Variants in BAZ2B observed in about 807,000 individuals in gnomAD.
BAZ2B encodes bromodomain adjacent to zinc finger domain protein 2B.
Under a neutral mutation model 246.0 loss-of-function variants are expected in BAZ2B, and 91 were observed. That is an observed-to-expected ratio of 0.37 (90% CI 0.31 to 0.44). BAZ2B has a LOEUF of 0.44. Among genes scored for constraint, BAZ2B ranks in the 20% least tolerant of loss-of-function variants. The pLI is 1.00. For missense variants in BAZ2B, 2,332 were observed against 2,533.7 expected, an observed-to-expected ratio of 0.92 and a Z score of 1.71; for synonymous variants, 855 against 860.0, an observed-to-expected ratio of 0.99 and a Z score of 0.10.
intron 16 of BAZ2B, among the ~76,000 whole-genome samples, chr2:159,400,974 G>A (rs1464405743): frequency 6.6e-6 from 1 of 152,250 alleles, no homozygotes; most frequent in East Asian, 1.9e-4. Context: ...AACCCAGGAG[G>A]TGGAGCTTGC....
At chr2:159,503,507 T>C (rs1204730956) in intron 2 of BAZ2B, among the ~76,000 whole-genome samples, 1 of 152,184 alleles carries the variant, frequency 6.6e-6, no homozygotes, top group African/African-American at 2.4e-5. Flanking sequence ...TCTTGTGTAT[T>C]CCCTAATTAA....
intron 1 of BAZ2B, among the ~76,000 whole-genome samples, chr2:159,576,805 T>C (rs780968059): frequency 4.2e-5 from 6 of 143,634 alleles, no homozygotes; most frequent in Admixed American, 1.4e-4. Context: ...CCCAGCTACT[T>C]GGGAGGCTGA....
chr2:159,649,432 G>C, the BAZ2B span, among the ~76,000 whole-genome samples: 2 of 152,120 alleles, frequency 1.3e-5, no homozygotes, highest in Non-Finnish European at 2.9e-5. Context: ...GATCTGACAG[G>C]AGGTGGAGCT....
At chr2:159,517,252 A>T (rs2151227106) in intron 2 of BAZ2B, among the ~76,000 whole-genome samples, 1 of 152,190 alleles carries the variant, frequency 6.6e-6, no homozygotes, top group Non-Finnish European at 1.5e-5. Context: ...TTAACCTGTG[A>T]GCATTTTTTA....
chr2:159,396,242 T>C (rs2063994956), intron 19 of BAZ2B: 1 of 153,498 alleles, frequency 6.5e-6, no homozygotes, highest in Non-Finnish European at 1.5e-5. Context: ...GTTGTGTTGT[T>C]CTTAAAATTT....
At chr2:159,683,856 A>G in the BAZ2B span, among the ~76,000 whole-genome samples, 3 of 152,138 alleles carry the variant, frequency 2.0e-5, no homozygotes, top group East Asian at 5.8e-4. Context: ...CAACTGCCCC[A>G]TCTCAAGATT....
intron 19 of BAZ2B, among the ~76,000 whole-genome samples, chr2:159,396,891 G>C (rs756429887): frequency 6.6e-5 from 10 of 152,058 alleles, no homozygotes; most frequent in Non-Finnish European, 1.2e-4. Context: ...TAAAATCTTG[G>C]AGATGCATCA....
At chr2:159,633,632 T>C in the BAZ2B span, among the ~76,000 whole-genome samples, 1 of 152,114 alleles carries the variant, frequency 6.6e-6, no homozygotes, top group Non-Finnish European at 1.5e-5. Flanking sequence ...TTTTATCTCA[T>C]ATCTGATTTT....
chr2:159,446,750 G>C, intron 6 of BAZ2B, 32 bp downstream of exon 6: 3 of 1,543,644 alleles, frequency 1.9e-6, no homozygotes, highest in South Asian at 1.3e-5. Flanking sequence ...ATATAGATCT[G>C]TTATATATTA....
chr2:159,491,914 C>G (rs1420403595), intron 2 of BAZ2B, among the ~76,000 whole-genome samples: 2 of 151,860 alleles, frequency 1.3e-5, no homozygotes, highest in Non-Finnish European at 2.9e-5. Flanking sequence ...TATTACCATC[C>G]TAATTCTTCT....
rs562896502 is a variant in BAZ2B at position 159,564,352 on chromosome 2, T to C, written c.-45-8487A>G. On this transcript the variant is annotated intron_variant, in intron 1 of 36. Coordinates refer to ENST00000392783, the MANE Select transcript of BAZ2B (RefSeq NM_013450.4). The stretch of plus-strand genomic sequence containing the variant: ...TAAATACTCTAGATGTTATTCTACA[T>C]GTGCTGAAAGCCATATGGGATGTTA... Among the ~76,000 whole-genome samples the C allele has an allele frequency of 1.6e-3, 239 of 152,266 alleles. 2 individuals are homozygous for C. Among genetic ancestry groups the C allele is most frequent in the Admixed American group, 2.0e-3 (30 of 15,292 alleles).
At chr2:159,371,395 T>G (rs1013603529) in intron 27 of BAZ2B, among the ~76,000 whole-genome samples, 1 of 152,114 alleles carries the variant, frequency 6.6e-6, no homozygotes, top group Non-Finnish European at 1.5e-5. Context: ...CTGTCTGCCT[T>G]GGCCTCCCAA....
Position 159,570,460 on chromosome 2 carries a change from C to T in BAZ2B, c.-45-14595G>A, listed in dbSNP as rs186393280. ...CCTCCCAAAGTGCTGGGATTACAGG[C>T]GTAAGCCACTGCGCCCGGCCTCCTT... On this transcript the variant is annotated intron_variant, in intron 1 of 36. Coordinates refer to ENST00000392783, the MANE Select transcript of BAZ2B (RefSeq NM_013450.4). Among the ~76,000 whole-genome samples the T allele has an allele frequency of 6.5e-3, 988 of 152,246 alleles. 4 individuals are homozygous for T. The highest frequency in any genetic ancestry group is 0.02 in the Middle Eastern group (6 of 294).
At chr2:159,698,840 T>C in the BAZ2B span, among the ~76,000 whole-genome samples, 1 of 152,184 alleles carries the variant, frequency 6.6e-6, no homozygotes, top group Admixed American at 6.6e-5. Context: ...TAAATATTTC[T>C]TACATAATTG....
At chr2:159,574,174 G>A (rs1246703874) in intron 1 of BAZ2B, among the ~76,000 whole-genome samples, 2 of 143,836 alleles carry the variant, frequency 1.4e-5, no homozygotes, top group Non-Finnish European at 3.1e-5. Flanking sequence ...CACACACACA[G>A]CACAATTTTA....
chr2:159,653,287 A>C, the BAZ2B span, among the ~76,000 whole-genome samples: 1 of 152,198 alleles, frequency 6.6e-6, no homozygotes, highest in Non-Finnish European at 1.5e-5. Context: ...TTTATTAAAA[A>C]TTCTGTAAGA....
intron 2 of BAZ2B, among the ~76,000 whole-genome samples, chr2:159,479,631 C>T (rs1391314360): frequency 1.3e-5 from 2 of 152,086 alleles, no homozygotes; most frequent in Admixed American, 1.3e-4. Context: ...CTACAGGCAA[C>T]TCACAGAAGA....
chr2:159,693,558 C>G, the BAZ2B span: 69,309 of 151,344 alleles, frequency 0.46, 16,705 homozygotes, highest in Middle Eastern at 0.64. Context: ...CAAGTAGCTG[C>G]GACCATAGGC....
chr2:159,440,699 C>T (rs1051536841), intron 6 of BAZ2B, among the ~76,000 whole-genome samples: 28 of 151,818 alleles, frequency 1.8e-4, no homozygotes, highest in African/African-American at 6.1e-4. Context: ...TTAGTAGAGA[C>T]GGGGTTTCCC....
Sources: allele counts gnomAD v4.1 joint callset (sites outside exome capture counted in the v4.1 genomes callset), GRCh38; gene constraint gnomAD v4.1.1; transcripts MANE v1.5; gene names NCBI Gene and HGNC (gene_info 2026-07-23, HGNC 2026-07-21).